FERMT2: variants seen among roughly 807,000 people sequenced by gnomAD.
FERMT2 encodes the protein fermitin family homolog 2.
FERMT2 carries 15 observed loss-of-function variants against 82.7 expected under a neutral mutation model. The observed-to-expected ratio is 0.18, with a 90% confidence interval of 0.12 to 0.28. The LOEUF (loss-of-function observed/expected upper bound fraction) is 0.28, where lower values mean the gene tolerates loss of function less well. Ranked by LOEUF, FERMT2 falls within the 10% of genes least tolerant of loss-of-function variation. The pLI, the probability that FERMT2 is intolerant of heterozygous loss-of-function variation, is 1.00. For synonymous variants in FERMT2, 274 were observed against 271.5 expected, an observed-to-expected ratio of 1.01 and a Z score of -0.09; for missense variants, 645 against 809.4, an observed-to-expected ratio of 0.80 and a Z score of 2.46.
intron 6 of FERMT2, 106 bp downstream of exon 6, chr14:52,880,930 C>A: frequency 1.5e-6 from 1 of 662,068 alleles, no homozygotes; most frequent in East Asian, 2.8e-5. Context: ...TCAAGATTTC[C>A]TATATACAAA....
intron 3 of FERMT2, among the ~76,000 whole-genome samples, chr14:52,911,916 G>T (rs192895108): frequency 4.0e-5 from 6 of 151,840 alleles, no homozygotes; most frequent in Admixed American, 3.3e-4. Flanking sequence ...TGTTTGACTG[G>T]ATCTTTACAC....
Position 52,870,000 on chromosome 14 carries a change from T to C in FERMT2, c.1273+2799A>G, listed in dbSNP as rs985479672. ...TACAAAAAAACATATAGAATAAGGA[T>C]ATAAAGAAAATATTTTTGTATAGCT... On this transcript the variant is annotated intron_variant, in intron 10 of 14. Transcript: ENST00000341590. 2.0e-5 allele frequency among the ~76,000 whole-genome samples: 3 copies of C among 152,240 alleles called. No individual in the cohort carries two copies. In the East Asian group the frequency reaches 5.8e-4, roughly 29 times the overall value.
intron 2 of FERMT2, among the ~76,000 whole-genome samples, chr14:52,934,161 A>C (rs890545133): frequency 2.2e-4 from 33 of 152,248 alleles, no homozygotes; most frequent in African/African-American, 7.7e-4. Flanking sequence ...TGTAATATAC[A>C]AATATTTGTA....
chr14:52,925,084 T>G (rs557287457), intron 2 of FERMT2, among the ~76,000 whole-genome samples: 1 of 152,248 alleles, frequency 6.6e-6, no homozygotes, highest in Admixed American at 6.5e-5. Context: ...ACTAACAGTA[T>G]CTCCATATCA....
intron 3 of FERMT2, among the ~76,000 whole-genome samples, chr14:52,914,371 A>G (rs999026267): frequency 2.0e-5 from 3 of 151,230 alleles, no homozygotes; most frequent in African/African-American, 7.3e-5. Context: ...TACTATCTCA[A>G]AAAGCAAAAA....
intron 4 of FERMT2, among the ~76,000 whole-genome samples, chr14:52,888,938 G>A (rs1233913697): frequency 6.6e-6 from 1 of 152,088 alleles, no homozygotes; most frequent in African/African-American, 2.4e-5. Context: ...GGCCACTGAC[G>A]TATTTGCTAA....
chr14:52,883,499 C>G (rs1279592934), intron 4 of FERMT2, among the ~76,000 whole-genome samples: 1 of 152,128 alleles, frequency 6.6e-6, no homozygotes, highest in Non-Finnish European at 1.5e-5. Flanking sequence ...TTTCAAAGAT[C>G]TATTAAATAA....
At chr14:52,885,300 G>A (rs1004101784) in intron 4 of FERMT2, among the ~76,000 whole-genome samples, 30 of 100,636 alleles carry the variant, frequency 3.0e-4, no homozygotes, top group Admixed American at 1.7e-4. Flanking sequence ...GTAACAGGGC[G>A]AGACTTAGTC....
Position 52,864,853 on chromosome 14 carries a change from C to T in FERMT2, c.1274G>A (p.Gly425Glu). The change falls in exon 11 of 15, where the codon GGA becomes GAA. Residue 425 changes from glycine (G) to glutamate (E), a missense_variant and splice_region_variant. Coordinates refer to ENST00000341590, the MANE Select transcript of FERMT2 (RefSeq NM_006832.3). Reference sequence around the variant, plus strand: ...GTTTACATCTGGGGTAACTTCACATCCTGTAACAAAAAATTTTTATTAAAA... The same window carrying T: ...GTTTACATCTGGGGTAACTTCACATTCTGTAACAAAAAATTTTTATTAAAA... ...GTPAHQMNLR[G>E]CEVTPDVNIS... is the part of the protein sequence containing the mutation. 1.3e-6 allele frequency: 2 copies of T among 1,560,536 alleles called. No homozygotes were observed. Among genetic ancestry groups the T allele is most frequent in the Non-Finnish European group, 1.8e-6 (2 of 1,142,810 alleles).
intron 2 of FERMT2, among the ~76,000 whole-genome samples, chr14:52,948,292 C>T (rs1890454819): frequency 6.6e-6 from 1 of 152,214 alleles, no homozygotes; most frequent in African/African-American, 2.4e-5. Flanking sequence ...TGAAAAATTA[C>T]AAAGTTCTTT....
chr14:52,873,118 G>T lies in FERMT2; in HGVS notation c.1149-195C>A, dbSNP rs1885730096. Among the ~76,000 whole-genome samples the T allele has an allele frequency of 1.3e-5, 2 of 152,116 alleles. 1 individual carries two copies. Among genetic ancestry groups the T allele is most frequent in the Admixed American group, 1.3e-4 (2 of 15,270 alleles). ...GAGCCTCCCTTCTCAATCTACTCTAGAAGATCCCACAAACAGCGTTCCGAG... is the reference window on the plus strand; with the variant it reads ...GAGCCTCCCTTCTCAATCTACTCTATAAGATCCCACAAACAGCGTTCCGAG... On this transcript the variant is annotated intron_variant, in intron 9 of 14. Transcript: ENST00000341590.
intron 3 of FERMT2, 36 bp from the exon 4 acceptor site, chr14:52,893,463 G>A: frequency 6.7e-7 from 1 of 1,489,020 alleles, no homozygotes; most frequent in East Asian, 2.3e-5. Flanking sequence ...TAGAACAAAG[G>A]AAAATTTAAA....
chr14:52,898,544 G>C (rs1263245348), intron 3 of FERMT2, among the ~76,000 whole-genome samples: 1 of 152,104 alleles, frequency 6.6e-6, no homozygotes, highest in Non-Finnish European at 1.5e-5. Context: ...ATTTTTAAAG[G>C]AGTAAGATTT....
Position 52,881,391 on chromosome 14 carries a change from G to A in FERMT2, c.605C>T (p.Ser202Leu), listed in dbSNP as rs759487057. 6.2e-7 allele frequency: 1 copy of A among 1,613,976 alleles called. No homozygotes were observed. Among genetic ancestry groups the A allele is most frequent in the Non-Finnish European group, 8.5e-7 (1 of 1,179,980 alleles). Reference sequence around the variant, plus strand: ...GTCACCAAACCAAGCAGAAGTTGGTGACAAGGGGCTTCCATCATGAGCATC... The same window carrying A: ...GTCACCAAACCAAGCAGAAGTTGGTAACAAGGGGCTTCCATCATGAGCATC... ...TYDAHDGSPL[S>L]PTSAWFGDSA... Residue 202 changes from serine (S) to leucine (L), a missense_variant, in exon 5 of 15, where the codon TCA (serine) becomes TTA (leucine). Coordinates refer to ENST00000341590, the MANE Select transcript of FERMT2 (RefSeq NM_006832.3).
intron 3 of FERMT2, among the ~76,000 whole-genome samples, chr14:52,910,605 G>A (rs1446741442): frequency 6.6e-6 from 1 of 152,098 alleles, no homozygotes; most frequent in Non-Finnish European, 1.5e-5. Context: ...CTGAAAGTGC[G>A]TTTTTGGAAG....
At position 52,858,103 on chromosome 14, in the gene FERMT2, A is replaced by C; in HGVS notation, c.*274T>G. 2.6e-6 allele frequency: 1 copy of C among 386,400 alleles called. No homozygotes were observed. Among genetic ancestry groups the C allele is most frequent in the Non-Finnish European group, 4.7e-6 (1 of 211,182 alleles). 23.9% of individuals were successfully genotyped at this position (386,400 alleles called of 1,614,324 possible). A position where few individuals can be genotyped will look rare whatever the true frequency, so the allele number is the denominator to read the frequency against. ...ACAGTTTGGCTAGCTTAAATCAGTA[A>C]ATCAGTGATGGTTTGTTCCTGATTT... On this transcript the variant is annotated 3_prime_UTR_variant, in exon 15 of 15. Coordinates refer to ENST00000341590, the MANE Select transcript of FERMT2 (RefSeq NM_006832.3).
intron 2 of FERMT2, 102 bp from the exon 3 acceptor site, chr14:52,919,458 T>TTAAC: frequency 1.3e-6 from 1 of 755,380 alleles, no homozygotes; most frequent in Non-Finnish European, 2.2e-6. Context: ...ACAGCAATAA[T>TTAAC]TAACTACTAA....
intron 2 of FERMT2, among the ~76,000 whole-genome samples, chr14:52,922,971 C>T (rs368091878): frequency 6.6e-6 from 1 of 152,142 alleles, no homozygotes; most frequent in Non-Finnish European, 1.5e-5. Flanking sequence ...TACTACACAC[C>T]TAGGTTATAT....
intron 3 of FERMT2, among the ~76,000 whole-genome samples, chr14:52,906,946 TGG>T (rs35563714): frequency 0.07 from 3,218 of 46,150 alleles, 240 homozygotes; most frequent in African/African-American, 0.23. Context: ...CATCAATTAT[TGG>T]GGGGGGGGGG....
Sources: allele counts gnomAD v4.1 joint callset (sites outside exome capture counted in the v4.1 genomes callset), GRCh38; gene constraint gnomAD v4.1.1; transcripts MANE v1.5; gene names NCBI Gene and HGNC (gene_info 2026-07-23, HGNC 2026-07-21).